LINGO2: variants seen among roughly 807,000 people sequenced by gnomAD.
LINGO2 encodes leucine rich repeat and Ig domain containing 2.
In LINGO2, 14 loss-of-function variants were observed where a neutral mutation model predicts 30.6. That is an observed-to-expected ratio of 0.46 (90% CI 0.30 to 0.72). The LOEUF (loss-of-function observed/expected upper bound fraction) is 0.72. Among genes scored for constraint, LINGO2 ranks in the 30% least tolerant of loss-of-function variants. The pLI is 0.07. For missense variants in LINGO2, 729 were observed against 751.7 expected, an observed-to-expected ratio of 0.97 and a Z score of 0.35; for synonymous variants, 317 against 288.5, an observed-to-expected ratio of 1.10 and a Z score of -1.00.
intron 1 of LINGO2, among the ~76,000 whole-genome samples, chr9:28,567,515 G>A (rs781430534): frequency 6.6e-6 from 1 of 152,050 alleles, no homozygotes; most frequent in Non-Finnish European, 1.5e-5. Context: ...TGGAGCTACA[G>A]ATCATTATCC....
intron 3 of LINGO2, among the ~76,000 whole-genome samples, chr9:28,318,373 G>A (rs944486417): frequency 6.6e-6 from 1 of 152,004 alleles, no homozygotes; most frequent in East Asian, 1.9e-4. Flanking sequence ...ATATTATATT[G>A]TATAATCTCC....
the LINGO2 span, among the ~76,000 whole-genome samples, chr9:29,184,657 CCTTT>C: frequency 6.6e-6 from 1 of 151,582 alleles, no homozygotes; most frequent in Non-Finnish European, 1.5e-5. Context: ...CCTCTAGTTA[CCTTT>C]CTTTCTCTCC....
At chr9:28,092,642 C>T (rs1323740196) in intron 4 of LINGO2, among the ~76,000 whole-genome samples, 2 of 151,570 alleles carry the variant, frequency 1.3e-5, no homozygotes, top group Non-Finnish European at 2.9e-5. Context: ...CACATGTATA[C>T]GTATGTAACA....
At chr9:28,599,949 T>C (rs1825392192) in intron 1 of LINGO2, among the ~76,000 whole-genome samples, 1 of 152,160 alleles carries the variant, frequency 6.6e-6, no homozygotes, top group South Asian at 2.1e-4. Flanking sequence ...AGCATAGGGT[T>C]GGAACAAATG....
the LINGO2 span, among the ~76,000 whole-genome samples, chr9:28,967,133 T>C: frequency 6.6e-6 from 1 of 152,260 alleles, no homozygotes; most frequent in Middle Eastern, 3.4e-3. Context: ...GAAAATCTTC[T>C]GTTTCATGAG....
At chr9:28,640,725 G>A (rs946760490) in intron 1 of LINGO2, among the ~76,000 whole-genome samples, 12 of 151,938 alleles carry the variant, frequency 7.9e-5, no homozygotes, top group South Asian at 2.1e-4. Context: ...TTAGCGATTC[G>A]TCTAATCTTT....
chr9:28,280,248 G>A (rs1035416046), intron 4 of LINGO2, among the ~76,000 whole-genome samples: 32 of 152,222 alleles, frequency 2.1e-4, no homozygotes, highest in African/African-American at 7.7e-4. Flanking sequence ...CACTTTATTA[G>A]GCACTGGATT....
At chr9:29,091,337 T>C in the LINGO2 span, among the ~76,000 whole-genome samples, 2 of 152,054 alleles carry the variant, frequency 1.3e-5, no homozygotes, top group Admixed American at 1.3e-4. Flanking sequence ...ATAGACATTA[T>C]TTTTTAAATA....
chr9:28,332,378 C>A (rs1342886733), intron 3 of LINGO2, among the ~76,000 whole-genome samples: 1 of 152,080 alleles, frequency 6.6e-6, no homozygotes, highest in East Asian at 1.9e-4. Context: ...TGACCCTTAC[C>A]TGGCCTGAGA....
the LINGO2 span, among the ~76,000 whole-genome samples, chr9:28,727,488 A>G: frequency 6.6e-6 from 1 of 152,094 alleles, no homozygotes; most frequent in South Asian, 2.1e-4. Flanking sequence ...CGGGGTTTCA[A>G]CGTGTTAGCC....
intron 4 of LINGO2, among the ~76,000 whole-genome samples, chr9:28,259,187 G>T (rs1268334037): frequency 3.3e-5 from 5 of 151,910 alleles, no homozygotes; most frequent in African/African-American, 1.2e-4. Context: ...CAGTCTATCA[G>T]TTAGAATGTA....
chr9:28,848,389 GTGTGTGTGTATATA>G, the LINGO2 span, among the ~76,000 whole-genome samples: 104 of 52,290 alleles, frequency 2.0e-3, 1 homozygote, highest in South Asian at 3.7e-3. Context: ...GTGTGTGTGT[GTGTGTGTGTATATA>G]TATATATATA....
the LINGO2 span, among the ~76,000 whole-genome samples, chr9:29,132,593 T>C: frequency 1.3e-5 from 2 of 152,180 alleles, no homozygotes; most frequent in Non-Finnish European, 2.9e-5. Context: ...CTTGTGTCAC[T>C]TGCTGGAGCC....
chr9:28,942,661 A>G, the LINGO2 span, among the ~76,000 whole-genome samples: 1 of 152,014 alleles, frequency 6.6e-6, no homozygotes, highest in Non-Finnish European at 1.5e-5. Flanking sequence ...AAACTGAGCA[A>G]TTTTCTTATT....
the LINGO2 span, among the ~76,000 whole-genome samples, chr9:28,863,286 G>A: frequency 6.6e-6 from 1 of 151,900 alleles, no homozygotes; most frequent in African/African-American, 2.4e-5. Context: ...CTTCAAAATG[G>A]TATGCTTAGG....
At chr9:28,056,358 C>T (rs1318872786) in intron 4 of LINGO2, among the ~76,000 whole-genome samples, 1 of 152,118 alleles carries the variant, frequency 6.6e-6, no homozygotes, top group South Asian at 2.1e-4. Context: ...CTCGTACAGC[C>T]TCCAGTGGTA....
intron 2 of LINGO2, among the ~76,000 whole-genome samples, chr9:28,463,174 T>C (rs1375301851): frequency 6.6e-6 from 1 of 152,002 alleles, no homozygotes; most frequent in Non-Finnish European, 1.5e-5. Flanking sequence ...TAGTCTTTGT[T>C]ATTGGTATCT....
intron 5 of LINGO2, among the ~76,000 whole-genome samples, chr9:27,974,762 C>T (rs1364343351): frequency 6.6e-6 from 1 of 151,804 alleles, no homozygotes; most frequent in Non-Finnish European, 1.5e-5. Flanking sequence ...TCAGCCATCA[C>T]TAAGATGAGA....
the LINGO2 span, among the ~76,000 whole-genome samples, chr9:28,747,723 T>G: frequency 6.6e-6 from 1 of 152,040 alleles, no homozygotes; most frequent in East Asian, 1.9e-4. Context: ...CTCTCCAATC[T>G]CATTAAGAAA....
Sources: gnomAD v4.1 joint callset for allele counts (sites outside exome capture counted in the v4.1 genomes callset) on GRCh38, gnomAD v4.1.1 for gene constraint, MANE v1.5 for transcripts, NCBI Gene and HGNC (gene_info 2026-07-23, HGNC 2026-07-21) for gene names.